The following PARD3B variants were observed in gnomAD, a reference collection of about 807,000 sequenced individuals.
PARD3B encodes the protein par-3 family cell polarity regulator beta.
A neutral mutation model predicts 130.2 loss-of-function variants in PARD3B; 103 were observed. The observed-to-expected ratio is 0.79, with a 90% CI of 0.67 to 0.93. The LOEUF is 0.93. Among genes scored for constraint, PARD3B ranks in the 40% least tolerant of loss-of-function variants. PARD3B has a pLI of 0.00. For synonymous variants in PARD3B, 583 were observed against 553.2 expected (o/e 1.05, Z -0.76); for missense variants, 1,609 against 1,499.2 (o/e 1.07, Z -1.21).
chr2:205,361,702 G>A (rs540443203), intron 18 of PARD3B, among the ~76,000 whole-genome samples: 2 of 152,220 alleles, frequency 1.3e-5, no homozygotes, highest in Non-Finnish European at 2.9e-5. Context: ...CAATTTTTCC[G>A]AGTTTAGGAA....
At chr2:205,393,927 G>T (rs2105987080) in intron 18 of PARD3B, among the ~76,000 whole-genome samples, 1 of 152,140 alleles carries the variant, frequency 6.6e-6, no homozygotes, top group Non-Finnish European at 1.5e-5. Context: ...AATAGAAACA[G>T]AAGAAAATAT....
intron 4 of PARD3B, among the ~76,000 whole-genome samples, chr2:205,099,325 A>G (rs1263926282): frequency 6.6e-6 from 1 of 152,208 alleles, no homozygotes; most frequent in African/African-American, 2.4e-5. Context: ...GTTCAAACAT[A>G]AAGCTGAAGA....
intron 4 of PARD3B, among the ~76,000 whole-genome samples, chr2:205,048,790 T>C (rs1348213513): frequency 2.0e-5 from 3 of 152,226 alleles, no homozygotes; most frequent in African/African-American, 4.8e-5. Flanking sequence ...TCTTTTATTA[T>C]TAAAAGAAAG....
At chr2:205,185,710 C>T in intron 13 of PARD3B, 54 bp from the exon 14 acceptor site, 1 of 1,454,556 alleles carries the variant, frequency 6.9e-7, no homozygotes, top group Non-Finnish European at 9.7e-7. Context: ...CCAAACCAGG[C>T]ATCGAATGGT....
At chr2:204,827,122 G>C (rs2043612556) in intron 2 of PARD3B, among the ~76,000 whole-genome samples, 1 of 152,046 alleles carries the variant, frequency 6.6e-6, no homozygotes, top group Non-Finnish European at 1.5e-5. Context: ...TATTTGCTCA[G>C]AAAATAAAAA....
chr2:204,833,713 T>C (rs2043919671), intron 2 of PARD3B, among the ~76,000 whole-genome samples: 3 of 152,142 alleles, frequency 2.0e-5, no homozygotes, highest in Middle Eastern at 3.2e-3. Context: ...TCCGCCATGA[T>C]TGTGGGGCCT....
chr2:205,326,495 G>A (rs532051736), intron 18 of PARD3B, among the ~76,000 whole-genome samples: 81 of 152,250 alleles, frequency 5.3e-4, no homozygotes, highest in African/African-American at 1.8e-3. Context: ...CAGGCTCTAG[G>A]AGTAAAAGCA....
chr2:205,289,949 C>T (rs1287842383), intron 16 of PARD3B, among the ~76,000 whole-genome samples: 3 of 152,160 alleles, frequency 2.0e-5, no homozygotes, highest in Non-Finnish European at 4.4e-5. Flanking sequence ...TAAAAGAAAT[C>T]AATTTCTTTT....
chr2:204,869,876 T>A (rs993034172), intron 2 of PARD3B, among the ~76,000 whole-genome samples: 1 of 152,218 alleles, frequency 6.6e-6, no homozygotes, highest in African/African-American at 2.4e-5. Context: ...TTGTTTATAA[T>A]TAAATGTCAG....
intron 21 of PARD3B, among the ~76,000 whole-genome samples, chr2:205,524,778 C>T (rs1332761254): frequency 6.6e-6 from 1 of 152,162 alleles, no homozygotes. Context: ...TAATGAAAGG[C>T]TTAGCCTCCT....
chr2:204,603,371 T>A (rs1389057793), intron 1 of PARD3B, among the ~76,000 whole-genome samples: 1 of 152,252 alleles, frequency 6.6e-6, no homozygotes, highest in African/African-American at 2.4e-5. Flanking sequence ...AATTCACCAG[T>A]ATTATTTCAG....
intron 20 of PARD3B, among the ~76,000 whole-genome samples, chr2:205,493,659 C>T (rs1472150910): frequency 2.6e-5 from 4 of 151,992 alleles, no homozygotes; most frequent in Non-Finnish European, 4.4e-5. Flanking sequence ...GGATTATCAC[C>T]TCCAGATAGG....
intron 2 of PARD3B, among the ~76,000 whole-genome samples, chr2:204,761,013 T>C (rs2040875263): frequency 6.6e-6 from 1 of 152,200 alleles, no homozygotes; most frequent in South Asian, 2.1e-4. Context: ...GATATTCTTT[T>C]ATTTAATCTT....
chr2:204,703,614 A>G (rs2037996897), intron 2 of PARD3B, among the ~76,000 whole-genome samples: 1 of 152,184 alleles, frequency 6.6e-6, no homozygotes, highest in South Asian at 2.1e-4. Flanking sequence ...AAGCTGTGTA[A>G]TTATGAAACC....
Position 205,172,376 on chromosome 2 carries a change from A to C in PARD3B, c.1786A>C (p.Met596Leu). 6.2e-7 allele frequency: 1 copy of C among 1,612,668 alleles called. No individual in the cohort carries two copies. The highest frequency in any genetic ancestry group is 8.5e-7 in the Non-Finnish European group (1 of 1,179,146). The change falls in exon 12 of 23, where the codon ATG (methionine) becomes CTG (leucine). Residue 596 changes from methionine (M) to leucine (L), a missense_variant. Transcript: ENST00000406610. ...GATTCTGAGGAGGCCAGAGAGACCA[A>C]TGGAGGTGATGCAAATCTTGATTCT... ...LVILRRPERP[M>L]EDPAECGAFS...
intron 2 of PARD3B, among the ~76,000 whole-genome samples, chr2:204,909,610 G>A (rs1045309548): frequency 1.3e-5 from 2 of 152,072 alleles, no homozygotes; most frequent in Non-Finnish European, 2.9e-5. Context: ...CTTGAATTTG[G>A]TGTTCTCACT....
At chr2:205,282,151 A>C (rs2105840461) in intron 16 of PARD3B, among the ~76,000 whole-genome samples, 1 of 152,344 alleles carries the variant, frequency 6.6e-6, no homozygotes, top group South Asian at 2.1e-4. Context: ...AGGATATTGA[A>C]AGAATTTAAA....
chr2:204,621,296 T>A lies in PARD3B; in HGVS notation c.121-64885T>A, dbSNP rs573721212. Among the ~76,000 whole-genome samples, 3 of 151,374 alleles carry A rather than the reference T, an allele frequency of 2.0e-5. No homozygotes were observed. In the East Asian group the frequency reaches 5.8e-4, roughly 29 times the overall value. Reference sequence around the variant, plus strand: ...GCAGGACATCTGTGGATGTGTATTCTTTTTTTCCCCTTTGCACTAAACTGG... The same window carrying A: ...GCAGGACATCTGTGGATGTGTATTCATTTTTTCCCCTTTGCACTAAACTGG... On this transcript the variant is annotated intron_variant, in intron 1 of 22. Transcript: ENST00000406610.
intron 4 of PARD3B, among the ~76,000 whole-genome samples, chr2:205,048,860 T>C (rs1362980226): frequency 6.6e-6 from 1 of 152,202 alleles, no homozygotes; most frequent in Non-Finnish European, 1.5e-5. Flanking sequence ...TAAAACTCTA[T>C]CCTTCTAAGG....
Sources: allele counts gnomAD v4.1 joint callset (sites outside exome capture counted in the v4.1 genomes callset), GRCh38; gene constraint gnomAD v4.1.1; transcripts MANE v1.5; gene names NCBI Gene and HGNC (gene_info 2026-07-23, HGNC 2026-07-21).